CADPS2: variants seen among roughly 807,000 people sequenced by gnomAD.
CADPS2 encodes the protein calcium-dependent secretion activator 2.
A neutral mutation model predicts 172.5 loss-of-function variants in CADPS2; 93 were observed. That is an observed-to-expected ratio of 0.54 (90% CI 0.46 to 0.64). The LOEUF (loss-of-function observed/expected upper bound fraction) is 0.64. CADPS2 is among the 30% of genes least tolerant of loss of function. The pLI is 0.00. For synonymous variants in CADPS2, 546 were observed against 555.2 expected, an observed-to-expected ratio of 0.98 and a Z score of 0.23; for missense variants, 1,420 against 1,565.9, an observed-to-expected ratio of 0.91 and a Z score of 1.57.
At chr7:122,403,659 C>T (rs1167676907) in intron 20 of CADPS2, among the ~76,000 whole-genome samples, 1 of 151,894 alleles carries the variant, frequency 6.6e-6, no homozygotes, top group Non-Finnish European at 1.5e-5. Flanking sequence ...TAATTTATTA[C>T]CCCACAAATT....
intron 2 of CADPS2, chr7:122,702,364 G>A: frequency 6.2e-7 from 1 of 1,613,818 alleles, no homozygotes; most frequent in Non-Finnish European, 8.5e-7. Flanking sequence ...GATAGTTGTA[G>A]ATGATCACCC....
intron 6 of CADPS2, among the ~76,000 whole-genome samples, chr7:122,601,231 T>G (rs189385832): frequency 2.0e-5 from 3 of 152,066 alleles, no homozygotes; most frequent in East Asian, 3.9e-4. Context: ...AAGATTCTTA[T>G]GAGAATTTGC....
intron 28 of CADPS2, among the ~76,000 whole-genome samples, chr7:122,342,064 CTTTTAA>C (rs1409567272): frequency 3.3e-5 from 5 of 152,178 alleles, no homozygotes; most frequent in South Asian, 2.1e-4. Context: ...TCAAAGGATA[CTTTTAA>C]TTTTAATATT....
At chr7:122,643,284 G>A (rs1485537929) in intron 3 of CADPS2, among the ~76,000 whole-genome samples, 5 of 152,252 alleles carry the variant, frequency 3.3e-5, no homozygotes, top group South Asian at 2.1e-4. Context: ...ATCAATAAGT[G>A]TCAATCCTCC....
chr7:122,722,795 G>A (rs2090603413), intron 2 of CADPS2, among the ~76,000 whole-genome samples: 1 of 151,396 alleles, frequency 6.6e-6, no homozygotes, highest in Non-Finnish European at 1.5e-5. Context: ...CAAGGCTACA[G>A]TAACCAAAAC....
At chr7:122,476,785 C>T (rs2056665370) in intron 12 of CADPS2, among the ~76,000 whole-genome samples, 1 of 152,042 alleles carries the variant, frequency 6.6e-6, no homozygotes, top group African/African-American at 2.4e-5. Flanking sequence ...AGAAATCATT[C>T]TATTTTTAAA....
intron 1 of CADPS2, among the ~76,000 whole-genome samples, chr7:122,780,784 T>G (rs889799495): frequency 6.6e-6 from 1 of 152,186 alleles, no homozygotes; most frequent in Non-Finnish European, 1.5e-5. Flanking sequence ...TTAGCCGTTC[T>G]TTTAAGGGCT....
At chr7:122,811,635 C>G (rs1235530671) in intron 1 of CADPS2, among the ~76,000 whole-genome samples, 1 of 152,054 alleles carries the variant, frequency 6.6e-6, no homozygotes, top group African/African-American at 2.4e-5. Context: ...TATAATATAG[C>G]TATTAAATCT....
At chr7:122,529,620 A>C (rs1201454771) in intron 8 of CADPS2, among the ~76,000 whole-genome samples, 1 of 152,112 alleles carries the variant, frequency 6.6e-6, no homozygotes, top group Non-Finnish European at 1.5e-5. Flanking sequence ...TTTGGAAGAA[A>C]ATGACTTTTA....
intron 3 of CADPS2, among the ~76,000 whole-genome samples, chr7:122,660,109 C>A (rs770810163): frequency 6.6e-6 from 1 of 152,050 alleles, no homozygotes; most frequent in Non-Finnish European, 1.5e-5. Context: ...TACATATAAT[C>A]TTTTATTTTT....
At position 122,663,385 on chromosome 7, in the gene CADPS2, C is replaced by T. The variant is rs747108001; in HGVS notation, c.638G>A (p.Gly213Asp). 1.9e-6 allele frequency: 3 copies of T among 1,613,844 alleles called. No homozygotes were observed. The highest frequency in any genetic ancestry group is 2.5e-6 in the Non-Finnish European group (3 of 1,179,898). The change falls in exon 3 of 30, where the codon GGT (glycine) becomes GAT (aspartate). Residue 213 changes from glycine (G) to aspartate (D), a missense_variant. Gly to Asp is a moderately conservative substitution (Grantham distance 94). Coordinates refer to ENST00000449022, the MANE Select transcript of CADPS2 (RefSeq NM_017954.11). ...TGGCTGTTTGCACAAGTCCTCTTCA[C>T]CTCTGTAAATGGCATCATATTTGGC... ...WIAKYDAIYR[G>D]EEDLCKQPNR... is the part of the protein sequence containing the mutation.
At position 122,471,472 on chromosome 7, in the gene CADPS2, C is replaced by A; in HGVS notation, c.2089G>T (p.Ala697Ser). The change falls in exon 14 of 30, where the codon GCA becomes TCA. Residue 697 changes from alanine (A) to serine (S), a missense_variant. Coordinates refer to ENST00000449022, the MANE Select transcript of CADPS2 (RefSeq NM_017954.11). ...RGCHRHLCYL[A>S]ELMEHSENGA... is the part of the protein sequence containing the mutation. The stretch of plus-strand genomic sequence containing the variant: ...TTTTCTGAATGTTCCATCAGTTCTG[C>A]AAGGTAGCAGAGATGTCTGTGACAG... 6.2e-7 allele frequency: 1 copy of A among 1,613,354 alleles called. No homozygotes were observed. Among genetic ancestry groups the A allele is most frequent in the Non-Finnish European group, 8.5e-7 (1 of 1,179,658 alleles).
At chr7:122,832,481 C>T (rs758902114) in intron 1 of CADPS2, among the ~76,000 whole-genome samples, 6 of 152,162 alleles carry the variant, frequency 3.9e-5, no homozygotes, top group Admixed American at 6.5e-5. Context: ...CTCTGTCCAG[C>T]GGTCATTTGG....
chr7:122,604,472 C>T (rs1304914845), intron 6 of CADPS2, among the ~76,000 whole-genome samples: 3 of 152,116 alleles, frequency 2.0e-5, no homozygotes, highest in Admixed American at 2.0e-4. Context: ...ATCTCCTGGA[C>T]TGCTGGACAG....
At chr7:122,420,061 G>A (rs2048364864) in intron 17 of CADPS2, among the ~76,000 whole-genome samples, 1 of 152,036 alleles carries the variant, frequency 6.6e-6, no homozygotes, top group East Asian at 1.9e-4. Flanking sequence ...GGTGTCTGAG[G>A]TTATACAGTT....
chr7:122,543,314 G>T (rs970404488), intron 8 of CADPS2, among the ~76,000 whole-genome samples: 2 of 151,982 alleles, frequency 1.3e-5, no homozygotes, highest in Non-Finnish European at 2.9e-5. Context: ...ATGCTATTTG[G>T]TTAACAGCTG....
intron 2 of CADPS2, chr7:122,697,743 T>C: frequency 7.0e-7 from 1 of 1,434,766 alleles, no homozygotes; most frequent in East Asian, 2.3e-5. Context: ...TATTAGGACC[T>C]GATTTCACAT....
intron 1 of CADPS2, among the ~76,000 whole-genome samples, chr7:122,882,242 T>C (rs1301860171): frequency 6.6e-6 from 1 of 152,184 alleles, no homozygotes; most frequent in Non-Finnish European, 1.5e-5. Context: ...CAGAAAATTA[T>C]GCAAAGTGGT....
chr7:122,795,005 C>T (rs758144021), intron 1 of CADPS2, among the ~76,000 whole-genome samples: 6 of 152,162 alleles, frequency 3.9e-5, no homozygotes, highest in South Asian at 2.1e-4. Context: ...TAAATGCCCA[C>T]ATCAGAAAGT....
Sources: gnomAD v4.1 joint callset for allele counts (sites outside exome capture counted in the v4.1 genomes callset) on GRCh38, gnomAD v4.1.1 for gene constraint, MANE v1.5 for transcripts, NCBI Gene and HGNC (gene_info 2026-07-23, HGNC 2026-07-21) for gene names.